Variants in TNFRSF13B observed in about 807,000 individuals in gnomAD.
TNFRSF13B encodes the protein tumor necrosis factor receptor superfamily member 13B.
Under a neutral mutation model 24.0 loss-of-function variants are expected in TNFRSF13B, and 34 were observed. That is an observed-to-expected ratio of 1.41 (90% CI 1.08 to 1.88). The LOEUF is 1.88. Ranked by LOEUF, TNFRSF13B falls within the 40% of genes most tolerant of loss-of-function variation. The pLI is 0.00. For missense variants in TNFRSF13B, 415 were observed against 380.8 expected (o/e 1.09, Z -0.75); for synonymous variants, 173 against 150.3 (o/e 1.15, Z -1.10).
Position 16,964,226 on chromosome 17 carries a change from G to A in TNFRSF13B, c.61+7789C>T, listed in dbSNP as rs536348347. ...TGTGAGCTGTATATGCTTTTTCCCC[G>A]GGCTATTTTGAAATACTGAAAATGG... On this transcript the variant is annotated intron_variant, in intron 1 of 4. Transcript: ENST00000261652. 8.6e-5 allele frequency among the ~76,000 whole-genome samples: 13 copies of A among 152,002 alleles called. No individual in the cohort carries two copies. The South Asian group carries it at 2.3e-3, about 27-fold the overall frequency.
chr17:16,949,902 TC>T (rs999622540), intron 2 of TNFRSF13B, among the ~76,000 whole-genome samples: 10 of 152,042 alleles, frequency 6.6e-5, no homozygotes, highest in Admixed American at 6.6e-5. Context: ...GCCAGGCTGG[TC>T]GTGAACTCCT....
intron 1 of TNFRSF13B, among the ~76,000 whole-genome samples, chr17:16,969,405 C>T (rs1338815330): frequency 6.6e-6 from 1 of 152,216 alleles, no homozygotes; most frequent in African/African-American, 2.4e-5. Context: ...CCTGCTACAA[C>T]ATGGACGGCC....
chr17:16,970,576 A>G (rs2087736854), intron 1 of TNFRSF13B, among the ~76,000 whole-genome samples: 1 of 152,154 alleles, frequency 6.6e-6, no homozygotes, highest in African/African-American at 2.4e-5. Flanking sequence ...TCATCAAAGC[A>G]CTTTTGTGTG....
chr17:16,960,926 T>G (rs191831708), intron 1 of TNFRSF13B, among the ~76,000 whole-genome samples: 36 of 152,090 alleles, frequency 2.4e-4, no homozygotes, highest in African/African-American at 8.0e-4. Context: ...ACAACTCAAG[T>G]CAAAACTGAG....
At position 16,939,485 on chromosome 17, in the gene TNFRSF13B, T is replaced by A; in HGVS notation, c.*62A>T. On this transcript the variant is annotated 3_prime_UTR_variant, in exon 5 of 5. Coordinates refer to ENST00000261652, the MANE Select transcript of TNFRSF13B (RefSeq NM_012452.3). ...CATATCTCTCTCCCCTCTCCCCACCTCTCTTTCTCTCTCCCCTCCTCTCCA... is the reference window on the plus strand; with the variant it reads ...CATATCTCTCTCCCCTCTCCCCACCACTCTTTCTCTCTCCCCTCCTCTCCA... The A allele has an allele frequency of 4.7e-6, 7 of 1,477,340 alleles. No homozygotes were observed. Among genetic ancestry groups the A allele is most frequent in the Non-Finnish European group, 6.5e-6 (7 of 1,082,966 alleles). The allele number at this position is 1,477,340 out of a possible 1,614,324, so 91.5% of individuals were successfully genotyped here.
intron 1 of TNFRSF13B, among the ~76,000 whole-genome samples, chr17:16,954,442 A>G (rs532887643): frequency 1.1e-3 from 162 of 152,324 alleles, no homozygotes; most frequent in African/African-American, 3.8e-3. Context: ...GCTTAAACAC[A>G]GGGGTTTATC....
chr17:16,955,934 C>T (rs1018082744), intron 1 of TNFRSF13B, among the ~76,000 whole-genome samples: 12 of 152,212 alleles, frequency 7.9e-5, no homozygotes, highest in African/African-American at 1.2e-4. Flanking sequence ...GACCCTTGTC[C>T]GCCAAATATT....
chr17:16,947,892 A>G (rs2087560044), intron 3 of TNFRSF13B, among the ~76,000 whole-genome samples: 1 of 152,250 alleles, frequency 6.6e-6, no homozygotes, highest in Non-Finnish European at 1.5e-5. Flanking sequence ...AAAGATACAT[A>G]CACACGTATG....
rs557897179 is a variant in TNFRSF13B at position 16,939,466 on chromosome 17, TCTCTCCC to T, written c.*74_*80del. 1.1e-4 allele frequency: 163 copies of T among 1,477,582 alleles called. No individual in the cohort carries two copies. In the African/African-American group the frequency reaches 1.8e-3, roughly 17 times the overall value. The allele number at this position is 1,477,582 out of a possible 1,614,324, so 91.5% of individuals were successfully genotyped here. On this transcript the variant is annotated 3_prime_UTR_variant, in exon 5 of 5. Coordinates refer to ENST00000261652, the MANE Select transcript of TNFRSF13B (RefSeq NM_012452.3). ...TCCTCTGTCTCTCTCTCCTCATATC[TCTCTCCC>T]CTCTCCCCACCTCTCTTTCTCTCTC...
intron 1 of TNFRSF13B, among the ~76,000 whole-genome samples, chr17:16,966,189 A>G (rs2087697717): frequency 6.7e-6 from 1 of 149,002 alleles, no homozygotes; most frequent in Non-Finnish European, 1.5e-5. Context: ...AGTTGGGGGA[A>G]GTTGCAGTGA....
chr17:16,963,007 G>T (rs2087673800), intron 1 of TNFRSF13B, among the ~76,000 whole-genome samples: 1 of 152,220 alleles, frequency 6.6e-6, no homozygotes. Context: ...TTGGGGATGA[G>T]CCTGGGGAAA....
chr17:16,940,761 C>T (rs2087504467), intron 3 of TNFRSF13B: 1 of 1,411,976 alleles, frequency 7.1e-7, no homozygotes, highest in South Asian at 1.5e-5. Flanking sequence ...TTCTTGTTGT[C>T]TCCACTTGCT....
At chr17:16,939,843 C>G (rs773575565) in intron 4 of TNFRSF13B, 46 bp from the exon 5 acceptor site, 27 of 1,591,972 alleles carry the variant, frequency 1.7e-5, no homozygotes, top group Non-Finnish European at 2.2e-5. Flanking sequence ...TGGCCCTGCA[C>G]TAGGGTAGGG....
chr17:16,956,399 AATACAGACT>A (rs941703553), intron 1 of TNFRSF13B, among the ~76,000 whole-genome samples: 3 of 147,492 alleles, frequency 2.0e-5, no homozygotes, highest in Non-Finnish European at 3.0e-5. Context: ...ATTTACAGGA[AATACAGACT>A]ATGACAGAAA....
chr17:16,942,652 G>A (rs993537252), intron 3 of TNFRSF13B, among the ~76,000 whole-genome samples: 3 of 152,204 alleles, frequency 2.0e-5, no homozygotes, highest in African/African-American at 4.8e-5. Flanking sequence ...CAGGGGAGAC[G>A]CTACCAGCCC....
chr17:16,946,427 T>C (rs1348797030), intron 3 of TNFRSF13B, among the ~76,000 whole-genome samples: 1 of 152,174 alleles, frequency 6.6e-6, no homozygotes, highest in Non-Finnish European at 1.5e-5. Context: ...AGGTGTTTGC[T>C]GGGATAGGGT....
intron 1 of TNFRSF13B, among the ~76,000 whole-genome samples, chr17:16,962,809 G>A (rs1195268249): frequency 1.3e-5 from 2 of 152,070 alleles, no homozygotes; most frequent in Admixed American, 6.5e-5. Flanking sequence ...GCAGCCAGCA[G>A]GTCTATCTTG....
At chr17:16,949,139 A>G (rs1374586994) in intron 2 of TNFRSF13B, among the ~76,000 whole-genome samples, 156 bp from the exon 3 acceptor site, 2 of 152,228 alleles carry the variant, frequency 1.3e-5, no homozygotes, top group African/African-American at 2.4e-5. Flanking sequence ...ATACACATTG[A>G]AGACTATGCA....
At chr17:16,967,966 T>C (rs1034956176) in intron 1 of TNFRSF13B, among the ~76,000 whole-genome samples, 1 of 147,540 alleles carries the variant, frequency 6.8e-6, no homozygotes, top group Non-Finnish European at 1.5e-5. Flanking sequence ...TGAAACCGCA[T>C]CTCTACTAAA....
Sources: allele counts gnomAD v4.1 joint callset (sites outside exome capture counted in the v4.1 genomes callset), GRCh38; gene constraint gnomAD v4.1.1; transcripts MANE v1.5; gene names NCBI Gene and HGNC (gene_info 2026-07-23, HGNC 2026-07-21).